CRPPA: variants seen among roughly 807,000 people sequenced by gnomAD.
CRPPA encodes CDP-L-ribitol pyrophosphorylase A, also known as D-ribitol-5-phosphate cytidylyltransferase.
Under a neutral mutation model 52.0 loss-of-function variants are expected in CRPPA, and 43 were observed. The ratio of observed to expected loss-of-function variants is 0.83; its 90% CI spans 0.65 to 1.07. CRPPA has a LOEUF of 1.07. Among genes scored for constraint, CRPPA ranks in the 50% least tolerant of loss-of-function variants. The pLI is 0.00. For missense variants in CRPPA, 629 were observed against 551.7 expected (o/e 1.14, Z -1.40); for synonymous variants, 250 against 203.5 (o/e 1.23, Z -1.94).
chr7:16,236,323 C>G (rs964768805), intron 8 of CRPPA, among the ~76,000 whole-genome samples: 3 of 152,096 alleles, frequency 2.0e-5, no homozygotes, highest in Non-Finnish European at 4.4e-5. Flanking sequence ...GACTCTGGGA[C>G]TACCTTGACA....
chr7:16,104,805 C>T (rs1038867361), intron 9 of CRPPA, among the ~76,000 whole-genome samples: 1 of 151,226 alleles, frequency 6.6e-6, no homozygotes, highest in African/African-American at 2.4e-5. Flanking sequence ...GAGGCTGAGG[C>T]AGAAGAATTG....
intron 9 of CRPPA, among the ~76,000 whole-genome samples, chr7:16,124,564 C>T (rs1054384431): frequency 6.6e-6 from 1 of 152,124 alleles, no homozygotes; most frequent in Non-Finnish European, 1.5e-5. Flanking sequence ...ATAGTGGTTA[C>T]TAGTGGCTGG....
At chr7:16,351,157 C>A (rs1019996213) in intron 3 of CRPPA, among the ~76,000 whole-genome samples, 2 of 151,864 alleles carry the variant, frequency 1.3e-5, no homozygotes, top group African/African-American at 4.8e-5. Flanking sequence ...GATTTCAATA[C>A]CAGAAATCTG....
chr7:16,404,012 T>A (rs1787891815), intron 2 of CRPPA, among the ~76,000 whole-genome samples: 1 of 152,224 alleles, frequency 6.6e-6, no homozygotes, highest in Non-Finnish European at 1.5e-5. Context: ...CATACCTTTT[T>A]ACTTTGTATA....
At chr7:16,310,373 C>A (rs994641804) in intron 3 of CRPPA, among the ~76,000 whole-genome samples, 5 of 152,208 alleles carry the variant, frequency 3.3e-5, no homozygotes, top group Middle Eastern at 3.4e-3. Flanking sequence ...TCAACACGCC[C>A]CAAGTAGAAA....
At chr7:16,157,627 C>G (rs1178834341) in intron 9 of CRPPA, among the ~76,000 whole-genome samples, 4 of 151,964 alleles carry the variant, frequency 2.6e-5, no homozygotes, top group Non-Finnish European at 5.9e-5. Context: ...ATTCCATTTG[C>G]AAGGACTTTT....
chr7:16,292,348 T>G (rs910889341), intron 5 of CRPPA, among the ~76,000 whole-genome samples: 3 of 151,936 alleles, frequency 2.0e-5, no homozygotes, highest in Non-Finnish European at 4.4e-5. Context: ...TGTGCAGGAC[T>G]CTTCAATGCT....
intron 9 of CRPPA, among the ~76,000 whole-genome samples, chr7:16,172,058 C>G (rs146674323): frequency 2.0e-5 from 3 of 152,184 alleles, no homozygotes; most frequent in Admixed American, 1.3e-4. Flanking sequence ...TACGAAAGCA[C>G]GCTTTCTTTG....
At chr7:16,380,642 C>A (rs190996213) in intron 2 of CRPPA, among the ~76,000 whole-genome samples, 10 of 152,256 alleles carry the variant, frequency 6.6e-5, no homozygotes, top group African/African-American at 2.4e-4. Context: ...GATTGGTAAG[C>A]TATTGATTAT....
chr7:16,124,109 TTTTTTA>T (rs1282080949), intron 9 of CRPPA, among the ~76,000 whole-genome samples: 1 of 148,926 alleles, frequency 6.7e-6, no homozygotes, highest in Non-Finnish European at 1.5e-5. Context: ...ATTTCTTTCT[TTTTTTA>T]TTTTTTTTTT....
chr7:16,263,728 G>A (rs1297843108), intron 6 of CRPPA, among the ~76,000 whole-genome samples: 2 of 151,466 alleles, frequency 1.3e-5, no homozygotes, highest in African/African-American at 4.9e-5. Flanking sequence ...CTCCAGCCTT[G>A]GCGACAGAGT....
At chr7:16,151,574 T>G (rs888262946) in intron 9 of CRPPA, among the ~76,000 whole-genome samples, 6 of 152,040 alleles carry the variant, frequency 3.9e-5, no homozygotes, top group Non-Finnish European at 7.4e-5. Flanking sequence ...TGTAGATGGG[T>G]AGAAAAACAT....
chr7:16,366,451 T>G (rs1214649189), intron 3 of CRPPA, among the ~76,000 whole-genome samples: 2 of 152,180 alleles, frequency 1.3e-5, no homozygotes, highest in Non-Finnish European at 2.9e-5. Context: ...CTACAGAAGA[T>G]GTGGCTGAAA....
chr7:16,091,972 C>G (rs1781847202), intron 9 of CRPPA, among the ~76,000 whole-genome samples, 173 bp from the exon 10 acceptor site: 1 of 152,214 alleles, frequency 6.6e-6, no homozygotes. Context: ...AATACTTTCA[C>G]AAACACTTTT....
At position 16,262,391 on chromosome 7, in the gene CRPPA, G is replaced by A. The variant is rs371420540; in HGVS notation, c.934-3379C>T. On this transcript the variant is annotated intron_variant, in intron 6 of 9. Transcript: ENST00000407010. ...AAGCGACTAGTTCTTTAATAGCGCTGCTTTCATAATAATTTTGTTTCCTAT... is the reference window on the plus strand; with the variant it reads ...AAGCGACTAGTTCTTTAATAGCGCTACTTTCATAATAATTTTGTTTCCTAT... Among the ~76,000 whole-genome samples, 9 of 152,190 alleles carry A rather than the reference G, an allele frequency of 5.9e-5. No individual in the cohort carries two copies. In the East Asian group the frequency reaches 1.2e-3, roughly 20 times the overall value.
At chr7:16,338,884 C>T (rs926033316) in intron 3 of CRPPA, among the ~76,000 whole-genome samples, 13 of 147,232 alleles carry the variant, frequency 8.8e-5, no homozygotes, top group Non-Finnish European at 1.5e-4. Context: ...GGCATGATCT[C>T]GGCTCACTGC....
At chr7:16,351,712 G>C (rs962142228) in intron 3 of CRPPA, among the ~76,000 whole-genome samples, 5 of 152,264 alleles carry the variant, frequency 3.3e-5, no homozygotes, top group Non-Finnish European at 2.9e-5. Context: ...ACCACAATGA[G>C]ATACCATCTC....
At chr7:16,141,605 C>A (rs187114939) in intron 9 of CRPPA, among the ~76,000 whole-genome samples, 13 of 152,240 alleles carry the variant, frequency 8.5e-5, no homozygotes, top group African/African-American at 2.6e-4. Flanking sequence ...AATTCTTATC[C>A]TTCTCAAGCT....
intron 8 of CRPPA, among the ~76,000 whole-genome samples, chr7:16,249,999 A>G (rs1392375765): frequency 6.6e-6 from 1 of 152,200 alleles, no homozygotes; most frequent in Non-Finnish European, 1.5e-5. Context: ...GGTTAGACAA[A>G]TAGCTAACTA....
Sources: allele counts gnomAD v4.1 joint callset (sites outside exome capture counted in the v4.1 genomes callset), GRCh38; gene constraint gnomAD v4.1.1; transcripts MANE v1.5; gene names NCBI Gene and HGNC (gene_info 2026-07-23, HGNC 2026-07-21).